The following SORCS2 variants were observed in gnomAD, a reference collection of about 807,000 sequenced individuals.
The protein encoded by SORCS2 is VPS10 domain-containing receptor SorCS2.
SORCS2 carries 100 observed loss-of-function variants against 141.6 expected under a neutral mutation model. The observed-to-expected ratio is 0.71, with a 90% confidence interval of 0.60 to 0.83. The LOEUF (loss-of-function observed/expected upper bound fraction) is 0.83. Ranked by LOEUF, SORCS2 falls within the 40% of genes least tolerant of loss-of-function variation. The pLI is 0.00. For missense variants in SORCS2, 1,646 were observed against 1,560.2 expected, an observed-to-expected ratio of 1.05 and a Z score of -0.93; for synonymous variants, 789 against 676.9, an observed-to-expected ratio of 1.17 and a Z score of -2.57.
chr4:7,735,841 C>T (rs937677285), intron 25 of SORCS2, among the ~76,000 whole-genome samples: 1 of 152,236 alleles, frequency 6.6e-6, no homozygotes, highest in Non-Finnish European at 1.5e-5. Context: ...CCCCTCCAGC[C>T]TATATCCCAT....
intron 3 of SORCS2, among the ~76,000 whole-genome samples, chr4:7,538,232 C>G (rs954920326): frequency 5.3e-4 from 80 of 152,184 alleles, no homozygotes; most frequent in African/African-American, 1.8e-3. Flanking sequence ...ACTTTGCAAC[C>G]TGTCTTAGGG....
chr4:7,447,541 T>C (rs1728076371), intron 2 of SORCS2, among the ~76,000 whole-genome samples: 1 of 152,220 alleles, frequency 6.6e-6, no homozygotes, highest in African/African-American at 2.4e-5. Flanking sequence ...CCATCATTTC[T>C]ATTTGGATTT....
chr4:7,313,619 G>C (rs1718347077), intron 1 of SORCS2, among the ~76,000 whole-genome samples: 1 of 152,182 alleles, frequency 6.6e-6, no homozygotes, highest in Non-Finnish European at 1.5e-5. Context: ...GATGAAACTG[G>C]CCTGGACAAT....
chr4:7,669,351 T>C (rs955537935), intron 8 of SORCS2, among the ~76,000 whole-genome samples: 2 of 152,166 alleles, frequency 1.3e-5, no homozygotes, highest in African/African-American at 4.8e-5. Flanking sequence ...AAGATGATGG[T>C]CACTTCCTCA....
intron 21 of SORCS2, among the ~76,000 whole-genome samples, chr4:7,727,327 C>G (rs1011608974): frequency 6.6e-6 from 1 of 152,184 alleles, no homozygotes; most frequent in Non-Finnish European, 1.5e-5. Context: ...GCTGAGCCTC[C>G]TTTTCTGAAT....
chr4:7,272,165 A>T (rs1056372768), intron 1 of SORCS2, among the ~76,000 whole-genome samples: 3 of 151,990 alleles, frequency 2.0e-5, no homozygotes, highest in African/African-American at 7.3e-5. Context: ...ATCTTCAAGG[A>T]CTCCATCCTC....
intron 1 of SORCS2, among the ~76,000 whole-genome samples, chr4:7,333,502 C>G (rs1719792227): frequency 6.6e-6 from 1 of 152,198 alleles, no homozygotes; most frequent in Non-Finnish European, 1.5e-5. Context: ...GCAGGAGGGG[C>G]TCACTCGGGG....
chr4:7,199,855 C>G (rs981709346), intron 1 of SORCS2, among the ~76,000 whole-genome samples: 5 of 152,122 alleles, frequency 3.3e-5, no homozygotes, highest in African/African-American at 1.2e-4. Context: ...CAAACCCACT[C>G]TCCCACTCCC....
intron 1 of SORCS2, among the ~76,000 whole-genome samples, chr4:7,210,567 C>T (rs1265724029): frequency 5.9e-5 from 9 of 152,158 alleles, no homozygotes; most frequent in South Asian, 2.1e-4. Flanking sequence ...AGGTGTGAGC[C>T]GCCATGCCTG....
At chr4:7,543,760 CCACCCATCCGTCCATCCATCCACT>C in intron 3 of SORCS2, among the ~76,000 whole-genome samples, 1 of 126,722 alleles carries the variant, frequency 7.9e-6, no homozygotes, top group Non-Finnish European at 1.7e-5. Context: ...ACCCATCCAC[CCACCCATCCGTCCATCCATCCACT>C]CATCCATCCA....
intron 2 of SORCS2, among the ~76,000 whole-genome samples, chr4:7,455,765 T>C (rs1415866606): frequency 1.3e-5 from 2 of 151,740 alleles, no homozygotes; most frequent in Non-Finnish European, 2.9e-5. Context: ...TCAGGCTCCG[T>C]GTTAGTGTCA....
In SORCS2 at chr4:7,192,668, C is replaced by T. The variant is rs1204815698; in HGVS notation, c.22C>T (p.Arg8Cys). ...GACCATGGCGCACCGGGGGCCCTCG[C>T]GCGCCTCGAAGGGCCCCGGCCCCAC... The part of the protein sequence containing the change: MAHRGPS[R>C]ASKGPGPTAR... Residue 8 changes from arginine (R) to cysteine (C), a missense_variant, in exon 1 of 27, where the codon CGC becomes TGC. Physicochemically the swap from Arg to Cys is radical, Grantham distance 180. Coordinates refer to ENST00000507866, the MANE Select transcript of SORCS2 (RefSeq NM_020777.3). This position sits in a 1 kb window ranked among gnomAD's most constrained non-coding sequence, Gnocchi z 4.0. The T allele has an allele frequency of 2.0e-6, 2 of 987,580 alleles. No individual in the cohort carries two copies. The highest frequency in any genetic ancestry group is 2.4e-6 in the Non-Finnish European group (2 of 832,722). 61.2% of individuals were successfully genotyped at this position (987,580 alleles called of 1,614,324 possible).
intron 2 of SORCS2, among the ~76,000 whole-genome samples, chr4:7,444,982 G>T (rs1205364713): frequency 1.3e-5 from 2 of 150,546 alleles, no homozygotes; most frequent in African/African-American, 4.9e-5. Flanking sequence ...GGCTGTGGTT[G>T]CAACACCCAG....
chr4:7,315,773 A>G (rs1291250839), intron 1 of SORCS2, among the ~76,000 whole-genome samples: 1 of 152,084 alleles, frequency 6.6e-6, no homozygotes, highest in Non-Finnish European at 1.5e-5. Context: ...CTGGTTACTT[A>G]TGTCCATAGC....
At position 7,434,417 on chromosome 4, in the gene SORCS2, T is replaced by C. The variant is rs1400853844; in HGVS notation, c.548+38062T>C. The C allele has an allele frequency of 6.8e-6, 11 of 1,608,698 alleles. No homozygotes were observed. The East Asian group carries it at 2.5e-4, about 36-fold the overall frequency. ...GCCACAGCCTCAAAGGTGTCCTCTT[T>C]GGAGAGTGGCCTCAGGGTGGCCAGG... On this transcript the variant is annotated intron_variant, in intron 2 of 26. Coordinates refer to ENST00000507866, the MANE Select transcript of SORCS2 (RefSeq NM_020777.3).
intron 2 of SORCS2, among the ~76,000 whole-genome samples, chr4:7,447,951 C>T (rs1728104734): frequency 6.6e-6 from 1 of 152,198 alleles, no homozygotes. Flanking sequence ...TGATGCGCTC[C>T]CTTCCCATCC....
chr4:7,596,779 G>A (rs1717303145), intron 3 of SORCS2, among the ~76,000 whole-genome samples: 1 of 152,094 alleles, frequency 6.6e-6, no homozygotes, highest in African/African-American at 2.4e-5. Context: ...AGGTGCAAGG[G>A]GCTTTCATGT....
intron 1 of SORCS2, among the ~76,000 whole-genome samples, chr4:7,271,179 G>A (rs1486480936): frequency 6.6e-6 from 1 of 152,178 alleles, no homozygotes; most frequent in Non-Finnish European, 1.5e-5. Context: ...GTGCCCAGCA[G>A]CAGCCAGAAG....
At position 7,201,391 on chromosome 4, in the gene SORCS2, C is replaced by T. The variant is rs1338986175; in HGVS notation, c.480+8265C>T. Among the ~76,000 whole-genome samples, 1 of 152,192 alleles carries T rather than the reference C, an allele frequency of 6.6e-6. No individual in the cohort carries two copies. The highest frequency in any genetic ancestry group is 2.1e-4 in the South Asian group (1 of 4,826). On this transcript the variant is annotated intron_variant, in intron 1 of 26. Transcript: ENST00000507866. This position sits in a 1 kb window ranked among gnomAD's most constrained non-coding sequence, Gnocchi z 4.4. Reference sequence around the variant, plus strand: ...TAAAGGGCGATTTAATTTGTAGTTGCGTGAAGGTTCCTGAGAGTATTCTAA... The same window carrying T: ...TAAAGGGCGATTTAATTTGTAGTTGTGTGAAGGTTCCTGAGAGTATTCTAA...
Sources: gnomAD v4.1 joint callset for allele counts (sites outside exome capture counted in the v4.1 genomes callset) on GRCh38, gnomAD v4.1.1 for gene constraint, Gnocchi (gnomAD v3.1) non-coding constraint, MANE v1.5 for transcripts, NCBI Gene and HGNC (gene_info 2026-07-23, HGNC 2026-07-21) for gene names.